TRDN: variants seen among roughly 807,000 people sequenced by gnomAD.
The protein encoded by TRDN is triadin.
TRDN carries 161 observed loss-of-function variants against 149.7 expected under a neutral mutation model. The observed-to-expected ratio is 1.08, with a 90% CI of 0.95 to 1.23. TRDN has a LOEUF of 1.23. Among genes scored for constraint, TRDN ranks in the 50% most tolerant of loss-of-function variants. TRDN has a pLI of 0.00. For synonymous variants in TRDN, 294 were observed against 250.5 expected (o/e 1.17, Z -1.64); for missense variants, 896 against 823.5 (o/e 1.09, Z -1.08).
intron 26 of TRDN, among the ~76,000 whole-genome samples, chr6:123,275,608 C>T (rs1382080828): frequency 1.3e-5 from 2 of 152,090 alleles, no homozygotes; most frequent in Admixed American, 6.6e-5. Context: ...GGTTTAGGAA[C>T]ATAGGTGCTG....
At chr6:123,270,875 T>G (rs1189805458) in intron 30 of TRDN, among the ~76,000 whole-genome samples, 4 of 152,140 alleles carry the variant, frequency 2.6e-5, no homozygotes, top group Admixed American at 6.6e-5. Context: ...TTATATAGAT[T>G]TTCTCATGAA....
At chr6:123,313,614 G>A (rs907623941) in intron 24 of TRDN, among the ~76,000 whole-genome samples, 5 of 151,746 alleles carry the variant, frequency 3.3e-5, no homozygotes, top group Non-Finnish European at 7.4e-5. Context: ...ACCACAAAAC[G>A]GCAAAAATGG....
intron 14 of TRDN, 116 bp downstream of exon 14, chr6:123,388,406 C>T: frequency 8.4e-7 from 1 of 1,185,122 alleles, no homozygotes; most frequent in Non-Finnish European, 1.2e-6. Flanking sequence ...AATGTATGCA[C>T]ATAATAGATC....
intron 4 of TRDN, among the ~76,000 whole-genome samples, chr6:123,534,881 C>T (rs1363384906): frequency 6.6e-6 from 1 of 152,060 alleles, no homozygotes; most frequent in East Asian, 1.9e-4. Context: ...TGAACCAAAC[C>T]TGGATACAAG....
intron 2 of TRDN, among the ~76,000 whole-genome samples, chr6:123,568,993 T>C (rs1405356551): frequency 1.3e-5 from 2 of 152,228 alleles, no homozygotes; most frequent in Non-Finnish European, 2.9e-5. Flanking sequence ...TTTTCCAAAT[T>C]TTTATACTCT....
At chr6:123,223,966 A>T in intron 39 of TRDN, 127 bp downstream of exon 39, 3 of 715,870 alleles carry the variant, frequency 4.2e-6, no homozygotes, top group Non-Finnish European at 6.7e-6. Context: ...TAAGCCTACC[A>T]TGTAAATGTT....
intron 34 of TRDN, among the ~76,000 whole-genome samples, chr6:123,259,888 T>G (rs1302933195): frequency 4.0e-5 from 6 of 151,818 alleles, no homozygotes; most frequent in Admixed American, 1.3e-4. Context: ...CCTCTAAGTC[T>G]TTTACTCCTC....
At chr6:123,539,745 A>T (rs1472995656) in intron 4 of TRDN, among the ~76,000 whole-genome samples, 1 of 152,234 alleles carries the variant, frequency 6.6e-6, no homozygotes, top group African/African-American at 2.4e-5. Context: ...TTTTGTTAAC[A>T]GTAGATTTAT....
At chr6:123,390,066 A>G (rs1241989198) in intron 13 of TRDN, among the ~76,000 whole-genome samples, 1 of 152,084 alleles carries the variant, frequency 6.6e-6, no homozygotes, top group Non-Finnish European at 1.5e-5. Context: ...GGAACTCTCT[A>G]AAGAAAGACA....
intron 2 of TRDN, among the ~76,000 whole-genome samples, chr6:123,565,773 G>A (rs1265608366): frequency 3.3e-5 from 5 of 152,336 alleles, no homozygotes; most frequent in East Asian, 1.9e-4. Context: ...CTTCTTCAGC[G>A]TCTCCAAATC....
Position 123,496,030 on chromosome 6 carries a change from T to G in TRDN, c.853+1163A>C, listed in dbSNP as rs565951393. ...TGATACTATACACAAACATCGATATTATTAATATATTATTAATAATATATA... is the reference window on the plus strand; with the variant it reads ...TGATACTATACACAAACATCGATATGATTAATATATTATTAATAATATATA... On this transcript the variant is annotated intron_variant, in intron 9 of 40. Transcript: ENST00000334268. Among the ~76,000 whole-genome samples the G allele has an allele frequency of 4.7e-5, 7 of 147,580 alleles. No homozygotes were observed. In the South Asian group the frequency reaches 1.5e-3, roughly 31 times the overall value.
chr6:123,438,821 A>C, intron 11 of TRDN, 123 bp downstream of exon 11: 1 of 704,438 alleles, frequency 1.4e-6, no homozygotes, highest in South Asian at 2.3e-5. Context: ...AAGAGTGTTC[A>C]CTAATAACAA....
At chr6:123,450,843 G>T (rs1775725882) in intron 10 of TRDN, among the ~76,000 whole-genome samples, 1 of 151,990 alleles carries the variant, frequency 6.6e-6, no homozygotes, top group Admixed American at 6.6e-5. Flanking sequence ...TAGATCATAT[G>T]GTAGGCCATA....
intron 38 of TRDN, among the ~76,000 whole-genome samples, chr6:123,227,413 G>A (rs1164738290): frequency 3.3e-5 from 5 of 151,822 alleles, no homozygotes; most frequent in Non-Finnish European, 7.4e-5. Context: ...GTCCCTAGGG[G>A]ACACTGATAT....
intron 23 of TRDN, among the ~76,000 whole-genome samples, chr6:123,320,981 T>C (rs1292158452): frequency 3.3e-5 from 5 of 152,120 alleles, no homozygotes; most frequent in African/African-American, 1.2e-4. Flanking sequence ...ACATGGGAAG[T>C]TGTTATATTT....
intron 24 of TRDN, among the ~76,000 whole-genome samples, chr6:123,286,615 A>G (rs1777813937): frequency 6.6e-6 from 1 of 152,024 alleles, no homozygotes. Context: ...AATCTCACAA[A>G]TCACAACTGA....
chr6:123,535,982 G>A (rs193180578), intron 4 of TRDN, among the ~76,000 whole-genome samples: 18 of 152,146 alleles, frequency 1.2e-4, no homozygotes, highest in East Asian at 5.8e-4. Flanking sequence ...TAATTAACAC[G>A]GGAGTCAATC....
chr6:123,502,131 T>C (rs977427892), intron 8 of TRDN: 6 of 984,234 alleles, frequency 6.1e-6, no homozygotes, highest in East Asian at 1.1e-4. Flanking sequence ...TGTGATTATT[T>C]TTCTTTTTGA....
intron 23 of TRDN, among the ~76,000 whole-genome samples, chr6:123,326,367 A>C (rs539213723): frequency 2.6e-5 from 4 of 152,006 alleles, no homozygotes; most frequent in South Asian, 2.1e-4. Flanking sequence ...TATTCTAAGC[A>C]TGTCCTTTTC....
Sources: allele counts gnomAD v4.1 joint callset (sites outside exome capture counted in the v4.1 genomes callset), GRCh38; gene constraint gnomAD v4.1.1; transcripts MANE v1.5; gene names NCBI Gene and HGNC (gene_info 2026-07-23, HGNC 2026-07-21).